Variants in VPS53 observed in about 807,000 individuals in gnomAD.
VPS53 encodes the protein VPS53 subunit of GARP complex.
Under a neutral mutation model 107.0 loss-of-function variants are expected in VPS53, and 70 were observed. The ratio of observed to expected loss-of-function variants is 0.65; its 90% CI spans 0.54 to 0.80. The LOEUF (loss-of-function observed/expected upper bound fraction) is 0.80, where lower values mean the gene tolerates loss of function less well. Ranked by LOEUF, VPS53 falls within the 30% of genes least tolerant of loss-of-function variation. VPS53 has a pLI of 0.00. For synonymous variants in VPS53, 409 were observed against 393.3 expected (o/e 1.04, Z -0.47); for missense variants, 917 against 1,049.4 (o/e 0.87, Z 1.74).
At chr17:525,271 CAT>C (rs1286537649) in intron 19 of VPS53, among the ~76,000 whole-genome samples, 3 of 152,178 alleles carry the variant, frequency 2.0e-5, no homozygotes, top group South Asian at 2.1e-4. Context: ...TATCAAAACA[CAT>C]ATGAGAATAA....
intron 4 of VPS53, 114 bp from the exon 5 acceptor site, chr17:662,009 G>T (rs1012863753): frequency 7.3e-6 from 7 of 965,264 alleles, no homozygotes; most frequent in Middle Eastern, 4.6e-4. Context: ...CTGATTCATT[G>T]TACTTATGCC....
chr17:588,312 A>C (rs1257625444), intron 12 of VPS53, among the ~76,000 whole-genome samples: 1 of 150,102 alleles, frequency 6.7e-6, no homozygotes, highest in Non-Finnish European at 1.5e-5. Flanking sequence ...GTGAGACTCC[A>C]TTTCAAAAAC....
intron 13 of VPS53, among the ~76,000 whole-genome samples, chr17:581,782 C>T (rs1055844590): frequency 6.9e-6 from 1 of 144,584 alleles, no homozygotes; most frequent in Non-Finnish European, 1.5e-5. Context: ...TGCGTTCCCA[C>T]AGAAATTCCC....
At position 699,339 on chromosome 17, in the gene VPS53, C is replaced by T; in HGVS notation, c.210G>A (p.Leu70=). 1 of 1,576,990 alleles carries T rather than the reference C, an allele frequency of 6.3e-7. No individual in the cohort carries two copies. The highest frequency in any genetic ancestry group is 8.6e-7 in the Non-Finnish European group (1 of 1,166,274). The part of the protein sequence containing the change: ...NIDEVVNKIR[L]KIRRLDDNIR... ...CACACAGCTTTACTCACCTTATTTTCAGCCTAATTTTGTTCACGACTTCGT... is the reference window on the plus strand; with the variant it reads ...CACACAGCTTTACTCACCTTATTTTTAGCCTAATTTTGTTCACGACTTCGT... The change falls in exon 3 of 22, where the codon CTG becomes CTA. Residue 70 remains leucine, a synonymous_variant. Coordinates refer to ENST00000437048, the MANE Select transcript of VPS53 (RefSeq NM_001128159.3).
At chr17:529,869 CAAAAAAA>C in intron 19 of VPS53, among the ~76,000 whole-genome samples, 1 of 122,298 alleles carries the variant, frequency 8.2e-6, no homozygotes, top group East Asian at 2.3e-4. Flanking sequence ...CTATATCTAC[CAAAAAAA>C]AAAAAAAAGA....
intron 12 of VPS53, among the ~76,000 whole-genome samples, chr17:598,623 G>A (rs1253878473): frequency 6.7e-6 from 1 of 148,166 alleles, no homozygotes. Flanking sequence ...GCCCCGTCTG[G>A]GATGTGAGGA....
Position 515,130 on chromosome 17 carries a change from T to C in VPS53, c.*3998A>G, listed in dbSNP as rs1048838750. On this transcript the variant is annotated 3_prime_UTR_variant, in exon 22 of 22. Transcript: ENST00000437048. ...GACTTCAAAGTTGTTTTTTGGTTTT[T>C]AAAGGGGCTACAGAAAATGGACTGA... 2.6e-5 allele frequency: 4 copies of C among 152,236 alleles called. No individual in the cohort carries two copies. The highest frequency in any genetic ancestry group is 1.3e-4 in the Admixed American group (2 of 15,276). The allele number at this position is 152,236 out of a possible 1,614,324, so 9.4% of individuals were successfully genotyped here. A position where few individuals can be genotyped will look rare whatever the true frequency, so the allele number is the denominator to read the frequency against.
At position 618,342 on chromosome 17, in the gene VPS53, AG is replaced by A. The variant is rs1206969311; in HGVS notation, c.1116+5190del. On this transcript the variant is annotated intron_variant, in intron 11 of 21. Transcript: ENST00000437048. ...ATATTTCCTGGGTAGCTGGGACTAC[AG>A]GGGTGCACCACCACGCCCCACTAAT... 5.4e-4 allele frequency among the ~76,000 whole-genome samples: 54 copies of A among 100,652 alleles called. 3 individuals are homozygous for A. Among genetic ancestry groups the A allele is most frequent in the African/African-American group, 1.6e-3 (50 of 31,470 alleles). 66.0% of individuals were successfully genotyped at this position (100,652 alleles called of 152,430 possible).
intron 7 of VPS53, among the ~76,000 whole-genome samples, chr17:639,393 G>A (rs1014828424): frequency 7.2e-5 from 11 of 152,140 alleles, no homozygotes; most frequent in East Asian, 3.9e-4. Flanking sequence ...AAGTTTGATC[G>A]TCTGAAGCCT....
chr17:583,515 T>C (rs1204200173), intron 13 of VPS53, among the ~76,000 whole-genome samples: 2 of 147,450 alleles, frequency 1.4e-5, no homozygotes, highest in Non-Finnish European at 3.0e-5. Flanking sequence ...AGAACTTCAA[T>C]ACATTCCCAG....
chr17:656,653 C>A, intron 5 of VPS53: 1 of 538,316 alleles, frequency 1.9e-6, no homozygotes, highest in South Asian at 2.6e-5. Context: ...TTACTAACAC[C>A]CAGGTGAAAT....
intron 11 of VPS53, among the ~76,000 whole-genome samples, chr17:608,279 A>T (rs192335730): frequency 6.6e-6 from 1 of 152,138 alleles, no homozygotes; most frequent in Non-Finnish European, 1.5e-5. Context: ...TGCCTTCCCG[A>T]TCCAATTTCT....
At chr17:642,685 C>A (rs1420700290) in intron 7 of VPS53, among the ~76,000 whole-genome samples, 226 of 93,100 alleles carry the variant, frequency 2.4e-3, no homozygotes, top group Middle Eastern at 7.8e-3. Flanking sequence ...TCATACTTGG[C>A]AACCGAGGAC....
rs1032680557 is a variant in VPS53 at position 615,813 on chromosome 17, C to G, written c.1116+7720G>C. Among the ~76,000 whole-genome samples, 10 of 152,156 alleles carry G rather than the reference C, an allele frequency of 6.6e-5. 1 individual carries two copies. Among genetic ancestry groups the G allele is most frequent in the Admixed American group, 4.6e-4 (7 of 15,276 alleles). On this transcript the variant is annotated intron_variant, in intron 11 of 21. Coordinates refer to ENST00000437048, the MANE Select transcript of VPS53 (RefSeq NM_001128159.3). ...AGCAGCATATCTCCAGGCAGGGTAC[C>G]CAGCAGCTAGACTGGGGGTCAGGAC...
At chr17:584,827 C>T (rs766232352) in intron 13 of VPS53, among the ~76,000 whole-genome samples, 8 of 151,992 alleles carry the variant, frequency 5.3e-5, no homozygotes, top group Admixed American at 2.6e-4. Context: ...TACCTGGCCA[C>T]GTGAAAAGCA....
chr17:593,552 GA>G (rs1967791866), intron 12 of VPS53, among the ~76,000 whole-genome samples: 1 of 152,266 alleles, frequency 6.6e-6, no homozygotes, highest in East Asian at 1.9e-4. Context: ...AAAAACACAT[GA>G]AAAAATGCTC....
intron 11 of VPS53, among the ~76,000 whole-genome samples, chr17:603,129 A>G (rs1968401049): frequency 6.6e-6 from 1 of 152,202 alleles, no homozygotes; most frequent in African/African-American, 2.4e-5. Flanking sequence ...AAATAAAACC[A>G]AAACTTACAC....
intron 11 of VPS53, among the ~76,000 whole-genome samples, chr17:616,777 C>T (rs914727384): frequency 1.3e-5 from 2 of 152,222 alleles, no homozygotes; most frequent in African/African-American, 2.4e-5. Flanking sequence ...ATGGTCTCTA[C>T]GTGGTTACCC....
intron 7 of VPS53, among the ~76,000 whole-genome samples, chr17:640,405 TC>T (rs956979504): frequency 6.6e-6 from 1 of 152,140 alleles, no homozygotes; most frequent in African/African-American, 2.4e-5. Context: ...GCACCCACTG[TC>T]CTGCACCCAC....
Sources: allele counts gnomAD v4.1 joint callset (sites outside exome capture counted in the v4.1 genomes callset), GRCh38; gene constraint gnomAD v4.1.1; transcripts MANE v1.5; gene names NCBI Gene and HGNC (gene_info 2026-07-23, HGNC 2026-07-21).